The following LRRC4C variants were observed in gnomAD, a reference collection of about 807,000 sequenced individuals.
LRRC4C encodes leucine-rich repeat-containing protein 4C.
A neutral mutation model predicts 33.6 loss-of-function variants in LRRC4C; 5 were observed. The observed-to-expected ratio is 0.15, with a 90% CI of 0.08 to 0.31. The LOEUF is 0.31. Ranked by LOEUF, LRRC4C falls within the 10% of genes least tolerant of loss-of-function variation. LRRC4C has a pLI of 1.00. For synonymous variants in LRRC4C, 329 were observed against 302.0 expected (o/e 1.09, Z -0.93); for missense variants, 560 against 796.7 (o/e 0.70, Z 3.58).
chr11:40,116,020 G>A lies in LRRC4C; in HGVS notation c.273C>T (p.Ile91=). ...LNLHENQIQI[I]KVNSFKHLRH... is the part of the protein sequence containing the mutation. ...TCAAGTGCTTGAAGCTGTTCACTTT[G>A]ATGATCTGGATTTGGTTCTCATGGA... The change falls in exon 7 of 7, where the codon ATC becomes ATT. Residue 91 remains isoleucine, a synonymous_variant. Transcript: ENST00000528697. 14 of 1,614,096 alleles carry A rather than the reference G, an allele frequency of 8.7e-6. No homozygotes were observed. Among genetic ancestry groups the A allele is most frequent in the Non-Finnish European group, 1.1e-5 (13 of 1,180,028 alleles).
chr11:40,224,771 C>G (rs1864665549), intron 5 of LRRC4C, among the ~76,000 whole-genome samples: 1 of 152,148 alleles, frequency 6.6e-6, no homozygotes, highest in Non-Finnish European at 1.5e-5. Flanking sequence ...TAATGTTATT[C>G]TTAATTGGAG....
At chr11:41,408,747 TAAAAA>T (rs35914452) in intron 1 of LRRC4C, among the ~76,000 whole-genome samples, 1 of 131,776 alleles carries the variant, frequency 7.6e-6, no homozygotes, top group Non-Finnish European at 1.6e-5. Flanking sequence ...TATATTTTTG[TAAAAA>T]AAAAAAAAAA....
chr11:40,934,528 C>T (rs1042494258), intron 1 of LRRC4C, among the ~76,000 whole-genome samples: 4 of 152,150 alleles, frequency 2.6e-5, no homozygotes, highest in African/African-American at 9.7e-5. Context: ...TTAGTTAGTA[C>T]TGCTATAGTT....
At chr11:40,313,267 C>T (rs1407566228) in intron 4 of LRRC4C, among the ~76,000 whole-genome samples, 1 of 152,046 alleles carries the variant, frequency 6.6e-6, no homozygotes, top group African/African-American at 2.4e-5. Context: ...CCACAACAGG[C>T]AGGAGTTATT....
chr11:41,448,842 A>G (rs535156492), intron 1 of LRRC4C, among the ~76,000 whole-genome samples: 85 of 152,336 alleles, frequency 5.6e-4, no homozygotes, highest in Non-Finnish European at 1.0e-3. Flanking sequence ...TTTGGAGAAA[A>G]GATCAAATAT....
At chr11:41,297,979 C>G (rs897368717) in intron 1 of LRRC4C, among the ~76,000 whole-genome samples, 1 of 152,086 alleles carries the variant, frequency 6.6e-6, no homozygotes, top group African/African-American at 2.4e-5. Context: ...AAGACACACC[C>G]TTATATCAAT....
At chr11:40,508,083 T>C (rs933734115) in intron 3 of LRRC4C, among the ~76,000 whole-genome samples, 1 of 152,086 alleles carries the variant, frequency 6.6e-6, no homozygotes, top group African/African-American at 2.4e-5. Context: ...ATCCCTCCAA[T>C]AGCATACTCT....
intron 1 of LRRC4C, among the ~76,000 whole-genome samples, chr11:41,453,346 T>C (rs1956084747): frequency 6.6e-6 from 1 of 152,142 alleles, no homozygotes; most frequent in Non-Finnish European, 1.5e-5. Context: ...TCATGTACTA[T>C]ATTAGGGACC....
At chr11:40,884,857 A>G (rs1955366777) in intron 2 of LRRC4C, among the ~76,000 whole-genome samples, 1 of 152,106 alleles carries the variant, frequency 6.6e-6, no homozygotes, top group African/African-American at 2.4e-5. Flanking sequence ...GGAGGCCATT[A>G]TCTGAAGTAA....
chr11:40,966,880 A>G (rs905239810), intron 1 of LRRC4C, among the ~76,000 whole-genome samples: 8 of 152,004 alleles, frequency 5.3e-5, no homozygotes, highest in Non-Finnish European at 1.2e-4. Flanking sequence ...GATGAATGTG[A>G]GTCATACCTT....
chr11:41,011,875 T>C (rs2137541317), intron 1 of LRRC4C, among the ~76,000 whole-genome samples: 1 of 117,314 alleles, frequency 8.5e-6, no homozygotes, highest in South Asian at 2.8e-4. Context: ...TGAGATGGAG[T>C]CTTACTCTGT....
At chr11:41,435,393 A>T (rs188888136) in intron 1 of LRRC4C, among the ~76,000 whole-genome samples, 73 of 152,326 alleles carry the variant, frequency 4.8e-4, no homozygotes, top group African/African-American at 1.7e-3. Flanking sequence ...GCTTTGACAA[A>T]AATTATTAGA....
rs576172331 is a variant in LRRC4C, at chr11:41,277,079, C to A, written c.-496+182352G>T. Among the ~76,000 whole-genome samples, 100 of 152,254 alleles carry A rather than the reference C, an allele frequency of 6.6e-4. 2 individuals carry two copies. In the Middle Eastern group the frequency reaches 0.014, roughly 21 times the overall value. On this transcript the variant is annotated intron_variant, in intron 1 of 6. Coordinates refer to ENST00000528697, the MANE Select transcript of LRRC4C (RefSeq NM_001258419.2). ...GTAGCAACCTTATTCATTTTGTTCA[C>A]CACTGTATCCACAGCATCTTACAAA...
chr11:41,058,776 T>C (rs1858831903), intron 1 of LRRC4C, among the ~76,000 whole-genome samples: 1 of 152,226 alleles, frequency 6.6e-6, no homozygotes, highest in Non-Finnish European at 1.5e-5. Flanking sequence ...ATCACATCAC[T>C]ATTCATAATA....
At chr11:41,121,031 CT>C (rs1942399756) in intron 1 of LRRC4C, among the ~76,000 whole-genome samples, 1 of 152,100 alleles carries the variant, frequency 6.6e-6, no homozygotes, top group Non-Finnish European at 1.5e-5. Context: ...TCAATTAAAG[CT>C]TTTTTTCTTT....
chr11:40,457,161 T>TA (rs1555068650), intron 3 of LRRC4C, among the ~76,000 whole-genome samples: 15 of 150,730 alleles, frequency 1.0e-4, no homozygotes, highest in Admixed American at 3.3e-4. Context: ...CAATTTTTTT[T>TA]AAAAAAAAGA....
At chr11:41,000,231 G>T (rs355256) in intron 1 of LRRC4C, among the ~76,000 whole-genome samples, 50,158 of 151,934 alleles carry the variant, frequency 0.33, 8,840 homozygotes, top group African/African-American at 0.46. Context: ...AATATATTTT[G>T]AAAAACTCCA....
intron 3 of LRRC4C, among the ~76,000 whole-genome samples, chr11:40,569,395 C>A (rs1305933389): frequency 6.6e-6 from 1 of 152,086 alleles, no homozygotes; most frequent in Non-Finnish European, 1.5e-5. Flanking sequence ...TGGTCCCATA[C>A]CTTTTACAGA....
At chr11:40,676,826 A>G (rs560506907) in intron 2 of LRRC4C, among the ~76,000 whole-genome samples, 10 of 152,296 alleles carry the variant, frequency 6.6e-5, no homozygotes, top group South Asian at 2.1e-4. Flanking sequence ...CCAAAATAAT[A>G]CCAATCCTGT....
Sources: gnomAD v4.1 joint callset for allele counts (sites outside exome capture counted in the v4.1 genomes callset) on GRCh38, gnomAD v4.1.1 for gene constraint, MANE v1.5 for transcripts, NCBI Gene and HGNC (gene_info 2026-07-23, HGNC 2026-07-21) for gene names.